Variants in SDK1 observed in about 807,000 individuals in gnomAD.
The protein encoded by SDK1 is protein sidekick-1.
SDK1 carries 157 observed loss-of-function variants against 245.5 expected under a neutral mutation model. The ratio of observed to expected loss-of-function variants is 0.64; its 90% confidence interval spans 0.56 to 0.73. SDK1 has a LOEUF of 0.73. Among genes scored for constraint, SDK1 ranks in the 30% least tolerant of loss-of-function variants. The pLI, the probability that SDK1 is intolerant of heterozygous loss-of-function variation, is 0.00. For synonymous variants in SDK1, 1,647 were observed against 1,278.5 expected (o/e 1.29, Z -6.15); for missense variants, 3,583 against 3,002.3 (o/e 1.19, Z -4.52).
chr7:4,145,747 C>T lies in SDK1; in HGVS notation c.4254C>T (p.Ala1418=). 6.2e-7 allele frequency: 1 copy of T among 1,610,500 alleles called. No individual in the cohort carries two copies. Among genetic ancestry groups the T allele is most frequent in the Admixed American group, 1.7e-5 (1 of 59,478 alleles). Residue 1418 remains alanine, a synonymous_variant, in exon 29 of 45, where the codon GCC becomes GCT. Transcript: ENST00000404826. ...ILGYQIAYRL[A]SSSPHTFTTV... is the part of the protein sequence containing the mutation. ...GGTACCAGATTGCCTACCGCCTGGC[C>T]AGCAGCAGCCCCCACACCTTCACCA...
At chr7:3,684,157 C>T (rs1452126139) in intron 4 of SDK1, among the ~76,000 whole-genome samples, 2 of 152,202 alleles carry the variant, frequency 1.3e-5, no homozygotes, top group South Asian at 2.1e-4. Flanking sequence ...GCAACCCGTG[C>T]AGTCTCAGCA....
intron 5 of SDK1, among the ~76,000 whole-genome samples, chr7:3,890,670 G>C (rs1309071014): frequency 6.6e-6 from 1 of 152,028 alleles, no homozygotes; most frequent in East Asian, 1.9e-4. Flanking sequence ...TAGCGGGTGT[G>C]GTAGCTCGTG....
intron 28 of SDK1, among the ~76,000 whole-genome samples, chr7:4,139,539 ATATGTG>A (rs1779363336): frequency 2.0e-5 from 1 of 50,874 alleles, no homozygotes; most frequent in Non-Finnish European, 4.2e-5. Flanking sequence ...GTGTGTGTAT[ATATGTG>A]TGTGTATATG....
At chr7:3,548,095 C>G (rs929409559) in intron 1 of SDK1, among the ~76,000 whole-genome samples, 10 of 152,078 alleles carry the variant, frequency 6.6e-5, no homozygotes, top group Non-Finnish European at 1.5e-4. Flanking sequence ...AAAACACATA[C>G]TATGTACTAT....
intron 5 of SDK1, among the ~76,000 whole-genome samples, chr7:3,826,487 C>T (rs542035286): frequency 6.6e-5 from 10 of 152,142 alleles, no homozygotes; most frequent in Non-Finnish European, 1.5e-4. Context: ...TTCCTGCTGC[C>T]GTTTGTTGCC....
At chr7:3,317,370 C>T (rs1038594406) in intron 1 of SDK1, among the ~76,000 whole-genome samples, 5 of 152,008 alleles carry the variant, frequency 3.3e-5, no homozygotes, top group Admixed American at 6.6e-5. Context: ...TGAAACTGGT[C>T]ATCTTGTGTT....
chr7:4,151,266 C>T (rs1338766277), intron 30 of SDK1, among the ~76,000 whole-genome samples: 3 of 152,166 alleles, frequency 2.0e-5, no homozygotes, highest in African/African-American at 7.2e-5. Flanking sequence ...CTCCAGCTCT[C>T]TGTGGCCCCA....
chr7:3,766,285 A>C (rs1288368345), intron 4 of SDK1, among the ~76,000 whole-genome samples: 1 of 152,236 alleles, frequency 6.6e-6, no homozygotes, highest in African/African-American at 2.4e-5. Context: ...TTCTAAATTC[A>C]TGCCTCAAGA....
chr7:3,597,046 G>A (rs950829218), intron 1 of SDK1, among the ~76,000 whole-genome samples: 1 of 151,988 alleles, frequency 6.6e-6, no homozygotes, highest in Admixed American at 6.5e-5. Flanking sequence ...CGAGGCAGGC[G>A]GATCATGAGG....
intron 5 of SDK1, among the ~76,000 whole-genome samples, chr7:3,875,490 G>A (rs554004742): frequency 2.0e-5 from 3 of 152,352 alleles, no homozygotes; most frequent in Admixed American, 6.5e-5. Flanking sequence ...CTCTCGGAGC[G>A]AGTTTTTGCC....
chr7:3,495,280 C>T (rs188886687), intron 1 of SDK1, among the ~76,000 whole-genome samples: 7 of 92,368 alleles, frequency 7.6e-5, no homozygotes, highest in Admixed American at 3.1e-4. Flanking sequence ...TTTTTTGAAG[C>T]GGAGTCTCGC....
At position 3,914,777 on chromosome 7, in the gene SDK1, G is replaced by A. The variant is rs149004948; in HGVS notation, c.848-36146G>A. Among the ~76,000 whole-genome samples the A allele has an allele frequency of 2.6e-5, 4 of 152,306 alleles. No homozygotes were observed. In the East Asian group the frequency reaches 7.7e-4, roughly 29 times the overall value. ...TGGGTAATTAAAAGCTAAGTGGAAT[G>A]TTGAAAAAACGTCCATACAATTTGA... is the stretch of plus-strand genomic sequence containing the variant. On this transcript the variant is annotated intron_variant, in intron 5 of 44. Transcript: ENST00000404826.
intron 14 of SDK1, among the ~76,000 whole-genome samples, chr7:3,993,810 C>G (rs1312510180): frequency 2.6e-5 from 4 of 152,046 alleles, no homozygotes; most frequent in African/African-American, 9.7e-5. Context: ...TTACCTGCAC[C>G]TCCTCACTTC....
At chr7:3,874,793 T>A in intron 5 of SDK1, among the ~76,000 whole-genome samples, 1 of 152,200 alleles carries the variant, frequency 6.6e-6, no homozygotes, top group Non-Finnish European at 1.5e-5. Context: ...AGCAGTGCCT[T>A]AAAGCTTTAG....
At chr7:3,532,102 T>A (rs1783366788) in intron 1 of SDK1, among the ~76,000 whole-genome samples, 1 of 152,220 alleles carries the variant, frequency 6.6e-6, no homozygotes, top group Non-Finnish European at 1.5e-5. Flanking sequence ...TCTACCTTCT[T>A]ACTTTTCTGT....
At chr7:3,819,841 C>G (rs749297871) in intron 4 of SDK1, among the ~76,000 whole-genome samples, 1 of 152,034 alleles carries the variant, frequency 6.6e-6, no homozygotes, top group African/African-American at 2.4e-5. Flanking sequence ...TTTGAAAAAG[C>G]TCTGCAAAAG....
intron 32 of SDK1, among the ~76,000 whole-genome samples, chr7:4,166,412 AAACT>A (rs1781504151): frequency 6.6e-6 from 1 of 152,246 alleles, no homozygotes; most frequent in African/African-American, 2.4e-5. Context: ...AGAAGGAACG[AAACT>A]AACTCTGGCC....
At chr7:3,800,191 A>C (rs1284020207) in intron 4 of SDK1, among the ~76,000 whole-genome samples, 1 of 151,922 alleles carries the variant, frequency 6.6e-6, no homozygotes, top group Non-Finnish European at 1.5e-5. Context: ...ATTATGGGGG[A>C]ACACAAAACT....
chr7:3,816,375 A>G (rs1221797422), intron 4 of SDK1, among the ~76,000 whole-genome samples: 2 of 148,822 alleles, frequency 1.3e-5, no homozygotes, highest in Non-Finnish European at 3.0e-5. Flanking sequence ...AAAAAGAGAG[A>G]AGAATCAAAT....
Sources: allele counts gnomAD v4.1 joint callset (sites outside exome capture counted in the v4.1 genomes callset), GRCh38; gene constraint gnomAD v4.1.1; transcripts MANE v1.5; gene names NCBI Gene and HGNC (gene_info 2026-07-23, HGNC 2026-07-21).